The following GPR35 variants were observed in gnomAD, a reference collection of about 807,000 sequenced individuals.
The protein encoded by GPR35 is G protein-coupled receptor 35.
For synonymous variants in GPR35, 207 were observed against 198.4 expected (o/e 1.04, Z -0.36); for missense variants, 372 against 422.5 (o/e 0.88, Z 1.05).
intron 1 of GPR35, among the ~76,000 whole-genome samples, chr2:240,625,879 G>A (rs1457779633): frequency 1.5e-5 from 2 of 134,342 alleles, no homozygotes; most frequent in Non-Finnish European, 3.3e-5. Context: ...GTGGGGTGAG[G>A]CTGTGATGGG....
intron 4 of GPR35, chr2:240,618,846 A>G (rs759455439): frequency 1.9e-5 from 12 of 616,808 alleles, no homozygotes; most frequent in Non-Finnish European, 2.6e-5. Flanking sequence ...GGAGATGACC[A>G]TATGACAGTG....
At chr2:240,610,257 C>T (rs1163183243) in intron 2 of GPR35, among the ~76,000 whole-genome samples, 7 of 152,062 alleles carry the variant, frequency 4.6e-5, no homozygotes, top group Non-Finnish European at 7.4e-5. Flanking sequence ...CACGCTGGTC[C>T]GTGAAATGTC....
At chr2:240,623,386 C>T (rs35163983), upstream of GPR35, among the ~76,000 whole-genome samples, 9,077 of 58,868 alleles carry the variant, frequency 0.15, 1,433 homozygotes, top group South Asian at 0.25. Context: ...GTCGTGAGGG[C>T]GCAAACAGGT....
chr2:240,627,027 G>A (rs1416269913), intron 1 of GPR35, among the ~76,000 whole-genome samples: 2 of 152,218 alleles, frequency 1.3e-5, no homozygotes, highest in Admixed American at 6.5e-5. Context: ...CCTCAGAGGC[G>A]TGCTGCTGGC....
In GPR35 at chr2:240,607,919, G is replaced by T. The variant is rs182206931; in HGVS notation, c.-577+1307G>T. ...TTTTTGTTTTTAAATTGAGACAGGG[G>T]CTCACTCTGTTGCCCAGGCTGGAGT... On this transcript the variant is annotated intron_variant, in intron 2 of 5. Coordinates refer to the GPR35 transcript ENST00000319838. Among the ~76,000 whole-genome samples, 7 of 150,456 alleles carry T rather than the reference G, an allele frequency of 4.7e-5. No homozygotes were observed. In the East Asian group the frequency reaches 1.4e-3, roughly 30 times the overall value.
chr2:240,632,123 G>C lies in GPR35; in HGVS notation c.*1241G>C, dbSNP rs545661855. Among the ~76,000 whole-genome samples, 1 of 114,392 alleles carries C rather than the reference G, an allele frequency of 8.7e-6. No individual in the cohort carries two copies. Among genetic ancestry groups the C allele is most frequent in the Admixed American group, 8.2e-5 (1 of 12,168 alleles). 75.0% of individuals were successfully genotyped at this position (114,392 alleles called of 152,430 possible). A position where few individuals can be genotyped will look rare whatever the true frequency, so the allele number is the denominator to read the frequency against. ...ATTCCCAGGAGGGTCCCGTGCCCAGGAGGGCTCTATGCCCAAAAGGGTCCC... is the reference window on the plus strand; with the variant it reads ...ATTCCCAGGAGGGTCCCGTGCCCAGCAGGGCTCTATGCCCAAAAGGGTCCC... On this transcript the variant is annotated 3_prime_UTR_variant, in exon 2 of 2. Coordinates refer to ENST00000407714, the MANE Select transcript of GPR35 (RefSeq NM_005301.5).
intron 1 of GPR35, chr2:240,628,492 C>G (rs150490479): frequency 6.6e-6 from 1 of 152,258 alleles, no homozygotes; most frequent in Non-Finnish European, 1.5e-5. Flanking sequence ...TCTAAGGAGA[C>G]AGAATGAAGC....
upstream of GPR35, among the ~76,000 whole-genome samples, chr2:240,620,601 C>A (rs929541510): frequency 2.0e-4 from 31 of 152,252 alleles, no homozygotes; most frequent in Non-Finnish European, 4.0e-4. Flanking sequence ...GACCCCGTGT[C>A]CCCTGCTCGT....
At chr2:240,614,058 C>T (rs527873001) in intron 2 of GPR35, among the ~76,000 whole-genome samples, 1 of 149,626 alleles carries the variant, frequency 6.7e-6, no homozygotes, top group African/African-American at 2.5e-5. Context: ...CTAACGCTAA[C>T]CCTAACCATG....
At chr2:240,624,010 G>GGC (rs1559437988), upstream of GPR35, among the ~76,000 whole-genome samples, 1 of 105,994 alleles carries the variant, frequency 9.4e-6, no homozygotes, top group African/African-American at 2.7e-5. Flanking sequence ...GCCTGGTGGT[G>GGC]GGGGGGGTGG....
chr2:240,625,614 C>G (rs2043359253), intron 1 of GPR35, 46 bp downstream of exon 1: 1 of 907,930 alleles, frequency 1.1e-6, no homozygotes, highest in African/African-American at 1.9e-5. Flanking sequence ...GGGGCAGGGG[C>G]ATGGTGGGGG....
At chr2:240,613,865 C>G (rs1442408925) in intron 2 of GPR35, among the ~76,000 whole-genome samples, 2 of 151,262 alleles carry the variant, frequency 1.3e-5, no homozygotes, top group African/African-American at 2.4e-5. Context: ...AACTCTAACC[C>G]TAACCCTAAC....
At chr2:240,619,951 G>A (rs2043275217) in intron 5 of GPR35, among the ~76,000 whole-genome samples, 2 of 152,210 alleles carry the variant, frequency 1.3e-5, no homozygotes, top group African/African-American at 4.8e-5. Context: ...TGAGAAGGGA[G>A]GGCCCTAGGG....
exon 2 of GPR35, chr2:240,606,612 G>C (rs1402989738): frequency 6.6e-6 from 1 of 152,268 alleles, no homozygotes; most frequent in African/African-American, 2.4e-5. Flanking sequence ...TCTGCACAAA[G>C]GTAATCCATT....
intron 2 of GPR35, among the ~76,000 whole-genome samples, chr2:240,614,329 A>C (rs1357054983): frequency 6.6e-6 from 1 of 152,178 alleles, no homozygotes; most frequent in Admixed American, 6.5e-5. Flanking sequence ...TTCTAACCCT[A>C]ACTCCAATCC....
Position 240,631,130 on chromosome 2 carries a change from T to C in GPR35, c.*248T>C. 3.6e-6 allele frequency: 2 copies of C among 549,816 alleles called. No individual in the cohort carries two copies. Among genetic ancestry groups the C allele is most frequent in the Non-Finnish European group, 6.7e-6 (2 of 299,066 alleles). The allele number at this position is 549,816 out of a possible 1,614,324, so 34.1% of individuals were successfully genotyped here. ...TGTCAGAGACCCCCGGGATGGGGCC[T>C]CACACTTGCCACCCCCAGAACCAGC... On this transcript the variant is annotated 3_prime_UTR_variant, in exon 2 of 2. Coordinates refer to ENST00000407714, the MANE Select transcript of GPR35 (RefSeq NM_005301.5).
chr2:240,612,952 AC>A (rs1268933770), intron 2 of GPR35, among the ~76,000 whole-genome samples: 77 of 152,346 alleles, frequency 5.1e-4, no homozygotes, highest in African/African-American at 1.7e-3. Flanking sequence ...CGCGGACATA[AC>A]CCAGCCTCAG....
intron 2 of GPR35, among the ~76,000 whole-genome samples, chr2:240,611,704 C>T (rs1319178158): frequency 6.6e-6 from 1 of 152,170 alleles, no homozygotes; most frequent in African/African-American, 2.4e-5. Context: ...GGACAAGTTG[C>T]ATTTAAAGTG....
chr2:240,613,616 A>C lies in GPR35; in HGVS notation c.-576-2772A>C, dbSNP rs117912471. ...TTCAGGCAGAACCGAACCTAACTCGAACCCAAACCCTAACGAAAACTCTAA... is the reference window on the plus strand; with the variant it reads ...TTCAGGCAGAACCGAACCTAACTCGCACCCAAACCCTAACGAAAACTCTAA... On this transcript the variant is annotated intron_variant, in intron 2 of 5. Coordinates refer to the GPR35 transcript ENST00000319838. Among the ~76,000 whole-genome samples the C allele has an allele frequency of 2.9e-3, 443 of 152,236 alleles. 25 individuals are homozygous for C. In the East Asian group the frequency reaches 0.072, roughly 25 times the overall value.
Sources: gnomAD v4.1 joint callset for allele counts (sites outside exome capture counted in the v4.1 genomes callset) on GRCh38, gnomAD v4.1.1 for gene constraint, MANE v1.5 for transcripts, NCBI Gene and HGNC (gene_info 2026-07-23, HGNC 2026-07-21) for gene names.